Variants in APC observed in about 807,000 individuals in gnomAD.
APC encodes APC regulator of Wnt signaling pathway.
Under a neutral mutation model 247.0 loss-of-function variants are expected in APC, and 72 were observed. That is an observed-to-expected ratio of 0.29 (90% confidence interval 0.24 to 0.35). The LOEUF (loss-of-function observed/expected upper bound fraction) is 0.35. Among genes scored for constraint, APC ranks in the 10% least tolerant of loss-of-function variants. APC has a pLI of 1.00. For missense variants in APC, 3,400 were observed against 3,360.7 expected (o/e 1.01, Z -0.29); for synonymous variants, 1,254 against 1,162.5 (o/e 1.08, Z -1.60).
intron 1 of APC, among the ~76,000 whole-genome samples, chr5:112,752,460 C>A (rs1754486230): frequency 6.6e-6 from 1 of 152,106 alleles, no homozygotes; most frequent in Non-Finnish European, 1.5e-5. Flanking sequence ...TTCTCCCCTA[C>A]CCCACACTTA....
At chr5:112,827,717 C>T (rs869312469) in intron 12 of APC, among the ~76,000 whole-genome samples, 2 of 152,164 alleles carry the variant, frequency 1.3e-5, no homozygotes, top group Non-Finnish European at 2.9e-5. Context: ...CACTTTATTT[C>T]TCTAGTTTGA....
At chr5:112,748,109 G>T (rs1183657797) in intron 1 of APC, among the ~76,000 whole-genome samples, 2 of 152,062 alleles carry the variant, frequency 1.3e-5, no homozygotes, top group Non-Finnish European at 2.9e-5. Context: ...GCCAACCCCC[G>T]CTCCTGGTCG....
chr5:112,836,165 T>TCCCC (rs59050067), intron 15 of APC, among the ~76,000 whole-genome samples: 1 of 24,490 alleles, frequency 4.1e-5, no homozygotes. Context: ...GGATTACAGG[T>TCCCC]CCCCCCCCCC....
At position 112,844,345 on chromosome 5, in the gene APC, G is replaced by A. The variant is rs1267401743; in HGVS notation, c.*219G>A. On this transcript the variant is annotated 3_prime_UTR_variant, in exon 16 of 16. Transcript: ENST00000257430. ...TGATGGTTAGGAAAAAAATAGTAAA[G>A]CCAAGTATGTTTGTACAGTATGTTT... 7.1e-6 allele frequency: 4 copies of A among 564,662 alleles called. No individual in the cohort carries two copies. In the African/African-American group the frequency reaches 7.6e-5, roughly 11 times the overall value. The allele number at this position is 564,662 out of a possible 1,614,324, so 35.0% of individuals were successfully genotyped here.
chr5:112,835,225 A>G, intron 15 of APC, 60 bp downstream of exon 15: 2 of 1,379,432 alleles, frequency 1.4e-6, no homozygotes, highest in South Asian at 1.2e-5. Flanking sequence ...AAAAAGACCT[A>G]ATTGTAAGCA....
Position 112,815,583 on chromosome 5 carries a change from T to A in APC, c.923T>A (p.Leu308Gln). 1 of 1,610,668 alleles carries A rather than the reference T, an allele frequency of 6.2e-7. No individual in the cohort carries two copies. The highest frequency in any genetic ancestry group is 8.5e-7 in the Non-Finnish European group (1 of 1,177,666). ...HSAPRRLTSH[L>Q]GTKVEMVYSL... The stretch of plus-strand genomic sequence containing the variant: ...GCACCTCGAAGGCTGACAAGTCATC[T>A]GGGAACCAAGGTAACAGAAGATTAC... The change falls in exon 9 of 16, where the codon CTG becomes CAG. Residue 308 changes from leucine (L) to glutamine (Q), a missense_variant. Leu to Gln is a moderately radical substitution (Grantham distance 113). Transcript: ENST00000257430.
At chr5:112,831,475 G>A (rs1764295079) in intron 14 of APC, among the ~76,000 whole-genome samples, 1 of 152,234 alleles carries the variant, frequency 6.6e-6, no homozygotes, top group Non-Finnish European at 1.5e-5. Context: ...CTGGTTAGCA[G>A]TATTAGAATT....
At chr5:112,769,555 T>C (rs1425766139) in intron 4 of APC, among the ~76,000 whole-genome samples, 1 of 152,168 alleles carries the variant, frequency 6.6e-6, no homozygotes, top group Non-Finnish European at 1.5e-5. Flanking sequence ...TTAATGCACA[T>C]ATTAAGGAAT....
chr5:112,810,147 G>A, intron 8 of APC: 1 of 456,110 alleles, frequency 2.2e-6, no homozygotes, highest in Admixed American at 2.3e-5. Flanking sequence ...GAGGATGTTT[G>A]AATGCTGATG....
intron 6 of APC, among the ~76,000 whole-genome samples, chr5:112,785,028 C>G (rs897399475): frequency 1.3e-5 from 2 of 152,086 alleles, no homozygotes; most frequent in African/African-American, 4.8e-5. Context: ...CATGCCACTG[C>G]ACTCCAACCT....
At chr5:112,713,794 G>A (rs1451506176) in intron 1 of APC, among the ~76,000 whole-genome samples, 2 of 151,984 alleles carry the variant, frequency 1.3e-5, no homozygotes, top group Non-Finnish European at 2.9e-5. Context: ...AGCCTCCCAA[G>A]TAGCTGGCGC....
intron 4 of APC, among the ~76,000 whole-genome samples, chr5:112,774,776 C>G (rs1179163600): frequency 6.6e-6 from 1 of 151,898 alleles, no homozygotes; most frequent in African/African-American, 2.4e-5. Context: ...CACACCTGGC[C>G]CCCAGGATCA....
intron 2 of APC, among the ~76,000 whole-genome samples, chr5:112,758,883 A>T (rs541063576): frequency 6.6e-6 from 1 of 152,186 alleles, no homozygotes; most frequent in Non-Finnish European, 1.5e-5. Flanking sequence ...AATTACAGGC[A>T]TGAGTCACCG....
In APC at chr5:112,827,098, T is replaced by A. The variant is rs757683347; in HGVS notation, c.1409-10T>A. The A allele has an allele frequency of 6.2e-7, 1 of 1,613,522 alleles. No homozygotes were observed. Among genetic ancestry groups the A allele is most frequent in the Non-Finnish European group, 8.5e-7 (1 of 1,179,750 alleles). ...TGATTGTCTTTTTCCTCTTGCCCTT[T>A]TTAAATTAGGGGGACTACAGGCCAT... is the stretch of plus-strand genomic sequence containing the variant. On this transcript the variant is annotated splice_polypyrimidine_tract_variant and intron_variant, in intron 11 of 15. Transcript: ENST00000257430.
At chr5:112,722,772 G>A (rs1016829594) in intron 1 of APC, among the ~76,000 whole-genome samples, 4 of 152,114 alleles carry the variant, frequency 2.6e-5, no homozygotes, top group Non-Finnish European at 5.9e-5. Flanking sequence ...GCAGGGGCGC[G>A]GAGCTTCCAT....
intron 12 of APC, among the ~76,000 whole-genome samples, chr5:112,827,532 A>G (rs1763826392): frequency 1.1e-5 from 1 of 95,154 alleles, no homozygotes; most frequent in Non-Finnish European, 2.4e-5. Context: ...GTGATCCATT[A>G]CTAGAGAAGT....
At chr5:112,811,116 T>C (rs1384689135) in intron 8 of APC, among the ~76,000 whole-genome samples, 1 of 152,166 alleles carries the variant, frequency 6.6e-6, no homozygotes, top group African/African-American at 2.4e-5. Context: ...TGAGGATGTA[T>C]GGATATTTAT....
chr5:112,768,106 C>T (rs1352538206), intron 4 of APC, among the ~76,000 whole-genome samples: 6 of 145,290 alleles, frequency 4.1e-5, no homozygotes, highest in Non-Finnish European at 9.1e-5. Flanking sequence ...TGCAATGGCA[C>T]AATCTCGGCT....
At chr5:112,766,100 T>C (rs1756274771) in intron 2 of APC, among the ~76,000 whole-genome samples, 2 of 152,110 alleles carry the variant, frequency 1.3e-5, no homozygotes, top group African/African-American at 4.8e-5. Context: ...GTGTTTCTAA[T>C]ACCTTGCACA....
Sources: allele counts gnomAD v4.1 joint callset (sites outside exome capture counted in the v4.1 genomes callset), GRCh38; gene constraint gnomAD v4.1.1; transcripts MANE v1.5; gene names NCBI Gene and HGNC (gene_info 2026-07-23, HGNC 2026-07-21).